Variants in TECPR2 observed in about 807,000 individuals in gnomAD.
TECPR2 encodes tectonin beta-propeller repeat containing 2.
TECPR2 carries 65 observed loss-of-function variants against 138.1 expected under a neutral mutation model. That is an observed-to-expected ratio of 0.47 (90% CI 0.39 to 0.58). TECPR2 has a LOEUF of 0.58. Among genes scored for constraint, TECPR2 ranks in the 20% least tolerant of loss-of-function variants. The pLI is 0.00. For synonymous variants in TECPR2, 746 were observed against 749.8 expected, an observed-to-expected ratio of 0.99 and a Z score of 0.08; for missense variants, 1,553 against 1,824.5, an observed-to-expected ratio of 0.85 and a Z score of 2.71.
chr14:102,437,159 T>G (rs1046539285), intron 9 of TECPR2: 17 of 985,332 alleles, frequency 1.7e-5, no homozygotes, highest in Non-Finnish European at 2.0e-5. Context: ...GTAGTTAACT[T>G]CTATGTGGGT....
chr14:102,400,902 C>T (rs1036685697), intron 2 of TECPR2, among the ~76,000 whole-genome samples: 4 of 151,906 alleles, frequency 2.6e-5, no homozygotes, highest in Middle Eastern at 3.4e-3. Flanking sequence ...GGCATGGTGG[C>T]GGGGACCTGT....
At chr14:102,459,198 G>A (rs117740549) in intron 16 of TECPR2, among the ~76,000 whole-genome samples, 2,157 of 152,074 alleles carry the variant, frequency 0.014, 24 homozygotes, top group Middle Eastern at 0.024. Flanking sequence ...CCCAAAGTGC[G>A]GGGATTACAA....
intron 17 of TECPR2, among the ~76,000 whole-genome samples, chr14:102,470,368 C>T (rs1054418287): frequency 4.0e-5 from 6 of 150,950 alleles, no homozygotes; most frequent in African/African-American, 9.7e-5. Context: ...AGGATGTTGG[C>T]GCGATCTCGG....
At chr14:102,470,447 A>G (rs1295952734) in intron 17 of TECPR2, among the ~76,000 whole-genome samples, 1 of 151,700 alleles carries the variant, frequency 6.6e-6, no homozygotes, top group Admixed American at 6.6e-5. Context: ...AGCTGGGACT[A>G]CAGGCATGTA....
intron 10 of TECPR2, among the ~76,000 whole-genome samples, chr14:102,438,913 G>C (rs1889755016): frequency 6.7e-6 from 1 of 149,910 alleles, no homozygotes. Context: ...CCAGGCTGGA[G>C]TGCAGTGGTA....
At position 102,438,180 on chromosome 14, in the gene TECPR2, C is replaced by T; in HGVS notation, c.2553C>T (p.Val851=). ...GCTGGCAGAAGTTTGAAGATGCTGT[C>T]CAGCAGGTGGCAGTCTCGCCCTCAG... ...GLRWQKFEDA[V]QQVAVSPSGA... is the part of the protein sequence containing the mutation. Residue 851 remains valine (V), a synonymous_variant, in exon 10 of 20, where the codon GTC becomes GTT. Coordinates refer to ENST00000359520, the MANE Select transcript of TECPR2 (RefSeq NM_014844.5). 1 of 1,610,330 alleles carries T rather than the reference C, an allele frequency of 6.2e-7. No homozygotes were observed. Among genetic ancestry groups the T allele is most frequent in the South Asian group, 1.1e-5 (1 of 91,008 alleles).
chr14:102,394,290 A>G (rs1888257651), intron 2 of TECPR2, among the ~76,000 whole-genome samples: 1 of 152,000 alleles, frequency 6.6e-6, no homozygotes, highest in Non-Finnish European at 1.5e-5. Flanking sequence ...CTGACTCTTG[A>G]TTTTCACTAG....
In TECPR2 at chr14:102,479,795, C is replaced by T. The variant is rs118089761; in HGVS notation, c.3789+14506C>T. On this transcript the variant is annotated intron_variant, in intron 17 of 19. Coordinates refer to ENST00000359520, the MANE Select transcript of TECPR2 (RefSeq NM_014844.5). ...CCTTGATCCAACCTCACTGAGCCAG[C>T]GTCGCTTGTATGCATGATACTGCAA... Among the ~76,000 whole-genome samples, 21 of 152,320 alleles carry T rather than the reference C, an allele frequency of 1.4e-4. No homozygotes were observed. In the East Asian group the frequency reaches 2.7e-3, roughly 20 times the overall value.
intron 16 of TECPR2, among the ~76,000 whole-genome samples, chr14:102,460,575 C>T (rs1016049356): frequency 6.6e-5 from 10 of 150,696 alleles, no homozygotes; most frequent in Non-Finnish European, 1.2e-4. Flanking sequence ...GATCACGCCA[C>T]TACACTCCAG....
intron 17 of TECPR2, among the ~76,000 whole-genome samples, chr14:102,486,708 T>C (rs1422732383): frequency 2.6e-5 from 4 of 152,166 alleles, no homozygotes; most frequent in Non-Finnish European, 4.4e-5. Context: ...GGTCAGAGTC[T>C]CGAGGAGCCT....
At chr14:102,495,947 GCC>G (rs1178983194) in intron 17 of TECPR2, among the ~76,000 whole-genome samples, 1 of 152,260 alleles carries the variant, frequency 6.6e-6, no homozygotes, top group Admixed American at 6.5e-5. Flanking sequence ...AGAGTGTCTG[GCC>G]CCGGCAAGTG....
intron 1 of TECPR2, among the ~76,000 whole-genome samples, chr14:102,375,464 A>G (rs769961893): frequency 3.3e-5 from 5 of 152,208 alleles, no homozygotes; most frequent in Non-Finnish European, 7.3e-5. Context: ...CACAATTGAG[A>G]AGGAGGAAGA....
chr14:102,497,111 C>T lies in TECPR2; in HGVS notation c.3922C>T (p.His1308Tyr), dbSNP rs1891304350. 2 of 1,611,168 alleles carry T rather than the reference C, an allele frequency of 1.2e-6. No homozygotes were observed. The highest frequency in any genetic ancestry group is 1.7e-6 in the Non-Finnish European group (2 of 1,179,842). ...GATGCCTGTGGGGACCGCCTGGGAGCATGTGCCAGGTAGGAGCCTGCAGAC... is the reference window on the plus strand; with the variant it reads ...GATGCCTGTGGGGACCGCCTGGGAGTATGTGCCAGGTAGGAGCCTGCAGAC... ...EEMPVGTAWE[H>Y]VPGLQACQLA... Residue 1308 changes from histidine (H) to tyrosine (Y), a missense_variant, in exon 18 of 20, where the codon CAT (histidine) becomes TAT (tyrosine). Physicochemically the swap from His to Tyr is moderately conservative, Grantham distance 83. Coordinates refer to ENST00000359520, the MANE Select transcript of TECPR2 (RefSeq NM_014844.5).
intron 13 of TECPR2, among the ~76,000 whole-genome samples, chr14:102,446,933 G>T (rs894398925): frequency 1.4e-4 from 22 of 152,130 alleles, no homozygotes; most frequent in Admixed American, 7.9e-4. Context: ...TGAGAAAAGA[G>T]CCCAGATAAT....
intron 2 of TECPR2, among the ~76,000 whole-genome samples, chr14:102,395,686 G>A (rs920194139): frequency 6.6e-6 from 1 of 151,926 alleles, no homozygotes; most frequent in Non-Finnish European, 1.5e-5. Context: ...TAATCCCATC[G>A]ACTCAGGAGG....
intron 17 of TECPR2, among the ~76,000 whole-genome samples, chr14:102,491,584 C>T (rs1044481108): frequency 6.6e-6 from 1 of 152,234 alleles, no homozygotes; most frequent in Non-Finnish European, 1.5e-5. Flanking sequence ...CTTCCCTCAG[C>T]CTGAAGCCTG....
In TECPR2 at chr14:102,376,577, T is replaced by C. The variant is rs76098889; in HGVS notation, c.-72-73T>C. On this transcript the variant is annotated intron_variant, in intron 1 of 19. Coordinates refer to ENST00000359520, the MANE Select transcript of TECPR2 (RefSeq NM_014844.5). ...AATGTTTACCTGCCTAAAAGTTCCA[T>C]GTTGCCAGTATTAAACATACTTCTT... 1.3e-4 allele frequency: 90 copies of C among 687,148 alleles called. No homozygotes were observed. In the East Asian group the frequency reaches 2.2e-3, roughly 17 times the overall value. 42.6% of individuals were successfully genotyped at this position (687,148 alleles called of 1,614,324 possible). A position where few individuals can be genotyped will look rare whatever the true frequency, so the allele number is the denominator to read the frequency against.
intron 2 of TECPR2, among the ~76,000 whole-genome samples, chr14:102,399,158 T>C (rs1161645099): frequency 6.6e-6 from 1 of 151,474 alleles, no homozygotes; most frequent in African/African-American, 2.4e-5. Flanking sequence ...GCCATCTGGG[T>C]GCCTGAGGCA....
rs1489146124 is a variant in TECPR2 at position 102,415,131 on chromosome 14, G to T, written c.638+338G>T. ...ACCTCCTCCACACAGCCCTGGTGAG[G>T]GGTCAGGGTTGTGGGGCTCACTCGT... On this transcript the variant is annotated intron_variant, in intron 5 of 19. Transcript: ENST00000359520. This position sits in a 1 kb window ranked among gnomAD's most constrained non-coding sequence, Gnocchi z 4.3. 1.3e-5 allele frequency among the ~76,000 whole-genome samples: 2 copies of T among 152,218 alleles called. No individual in the cohort carries two copies. Among genetic ancestry groups the T allele is most frequent in the Admixed American group, 1.3e-4 (2 of 15,284 alleles).
Sources: gnomAD v4.1 joint callset for allele counts (sites outside exome capture counted in the v4.1 genomes callset) on GRCh38, gnomAD v4.1.1 for gene constraint, Gnocchi (gnomAD v3.1) non-coding constraint, MANE v1.5 for transcripts, NCBI Gene and HGNC (gene_info 2026-07-23, HGNC 2026-07-21) for gene names.